Variants in PDZD8 observed in about 807,000 individuals in gnomAD.
The protein encoded by PDZD8 is PDZ domain containing 8.
PDZD8 carries 14 observed loss-of-function variants against 85.8 expected under a neutral mutation model. The ratio of observed to expected loss-of-function variants is 0.16; its 90% confidence interval spans 0.11 to 0.26. The LOEUF is 0.26. Ranked by LOEUF, PDZD8 falls within the 10% of genes least tolerant of loss-of-function variation. PDZD8 has a pLI of 1.00. For synonymous variants in PDZD8, 592 were observed against 568.6 expected (o/e 1.04, Z -0.59); for missense variants, 1,197 against 1,424.3 (o/e 0.84, Z 2.57).
At chr10:117,360,418 C>T (rs904845976) in intron 1 of PDZD8, among the ~76,000 whole-genome samples, 1 of 151,970 alleles carries the variant, frequency 6.6e-6, no homozygotes, top group Non-Finnish European at 1.5e-5. Flanking sequence ...ATGGGCAAAT[C>T]CAAACTCTTA....
At chr10:117,345,257 C>T (rs1844685025) in intron 1 of PDZD8, among the ~76,000 whole-genome samples, 1 of 152,182 alleles carries the variant, frequency 6.6e-6, no homozygotes, top group Non-Finnish European at 1.5e-5. Flanking sequence ...CACATGTCTT[C>T]CTTCATGGAT....
At chr10:117,331,913 T>C (rs530399134) in intron 2 of PDZD8, among the ~76,000 whole-genome samples, 6 of 152,278 alleles carry the variant, frequency 3.9e-5, no homozygotes, top group African/African-American at 7.2e-5. Context: ...AATTCCAAAT[T>C]TGCAGTCTTT....
Position 117,375,149 on chromosome 10 carries a change from A to G in PDZD8, c.79T>C (p.Tyr27His). The G allele has an allele frequency of 6.3e-7, 1 of 1,588,870 alleles. No individual in the cohort carries two copies. The highest frequency in any genetic ancestry group is 8.5e-7 in the Non-Finnish European group (1 of 1,173,952). The change falls in exon 1 of 5, where the codon TAC becomes CAC. Residue 27 changes from tyrosine (Y) to histidine (H), a missense_variant. This residue lies in a region of PDZD8 where 172 missense variants were observed against 137.8 expected (regional missense o/e 1.25). Transcript: ENST00000334464. ...LTLLAQFFLLYRRQPEPPADE... is the reference protein window; with the variant it reads ...LTLLAQFFLLHRRQPEPPADE... ...GCCGGCGGCTCGGGCTGTCTGCGGT[A>G]CAGCAGGAAGAACTGGGCGAGGAGC...
At chr10:117,348,472 G>A (rs1038021537) in intron 1 of PDZD8, among the ~76,000 whole-genome samples, 1 of 152,126 alleles carries the variant, frequency 6.6e-6, no homozygotes, top group Non-Finnish European at 1.5e-5. Flanking sequence ...GTTAATCCGC[G>A]ATGGCTTCCA....
rs528360386 is a variant in PDZD8, at chr10:117,313,972, C to T, written c.1098+4900G>A. Among the ~76,000 whole-genome samples the T allele has an allele frequency of 1.2e-4, 19 of 152,242 alleles. 1 individual carries two copies. Among genetic ancestry groups the T allele is most frequent in the Middle Eastern group, 3.4e-3 (1 of 294 alleles). ...CTCCTTAACTCTGTTCTAAAATGAT[C>T]CCATTATCATCACTACTAATTATTT... On this transcript the variant is annotated intron_variant, in intron 3 of 4. Coordinates refer to ENST00000334464, the MANE Select transcript of PDZD8 (RefSeq NM_173791.5).
chr10:117,284,554 T>C lies in PDZD8; in HGVS notation c.2179A>G (p.Ile727Val). The C allele has an allele frequency of 6.2e-7, 1 of 1,613,956 alleles. No individual in the cohort carries two copies. Among genetic ancestry groups the C allele is most frequent in the South Asian group, 1.1e-5 (1 of 91,084 alleles). ...TTTAAACTAACATGCCCCAAACAGATGAGACCTCCCAACTTGAAAGGATCC... is the reference window on the plus strand; with the variant it reads ...TTTAAACTAACATGCCCCAAACAGACGAGACCTCCCAACTTGAAAGGATCC... ...CRDPFKLGGLICLGHVSLKLE... is the reference protein window; with the variant it reads ...CRDPFKLGGLVCLGHVSLKLE... The change falls in exon 5 of 5, where the codon ATC (isoleucine) becomes GTC (valine). Residue 727 changes from isoleucine to valine, a missense_variant. By Grantham distance (29) the Ile-to-Val change is conservative. Around this residue, in one of 4 missense-constraint regions of PDZD8, gnomAD observed 418 missense variants for 571.1 expected, o/e 0.73. Coordinates refer to ENST00000334464, the MANE Select transcript of PDZD8 (RefSeq NM_173791.5).
intron 1 of PDZD8, among the ~76,000 whole-genome samples, chr10:117,373,985 G>A (rs930300173): frequency 1.1e-4 from 16 of 152,170 alleles, no homozygotes; most frequent in African/African-American, 3.6e-4. Flanking sequence ...AGCCAGTGAC[G>A]CGGCTGCCCT....
chr10:117,358,482 A>C (rs73391193), intron 1 of PDZD8, among the ~76,000 whole-genome samples: 4,066 of 151,916 alleles, frequency 0.027, 169 homozygotes, highest in African/African-American at 0.09. Context: ...TCTTTCACGG[A>C]CTATAAAATA....
At position 117,285,054 on chromosome 10, in the gene PDZD8, T is replaced by C. The variant is rs1436685250; in HGVS notation, c.1679A>G (p.Asp560Gly). The change falls in exon 5 of 5, where the codon GAT becomes GGT. Residue 560 changes from aspartate (D) to glycine (G), a missense_variant. Asp to Gly is a moderately conservative substitution (Grantham distance 94). Transcript: ENST00000334464. Reference sequence around the variant, plus strand: ...TTTTAGGGGTGGAGGTTTATTTCCATCTTTGGACTGAATTTTCGGTGGTAG... The same window carrying C: ...TTTTAGGGGTGGAGGTTTATTTCCACCTTTGGACTGAATTTTCGGTGGTAG... ...HPLPPKIQSKDGNKPPPLKTS... is the reference protein window; with the variant it reads ...HPLPPKIQSKGGNKPPPLKTS... The C allele has an allele frequency of 1.1e-5, 17 of 1,613,896 alleles. No homozygotes were observed. The highest frequency in any genetic ancestry group is 1.3e-5 in the African/African-American group (1 of 74,928).
intron 3 of PDZD8, among the ~76,000 whole-genome samples, chr10:117,291,062 C>G (rs1407013188): frequency 1.3e-5 from 2 of 150,668 alleles, no homozygotes; most frequent in African/African-American, 4.9e-5. Context: ...GTGTAGAGAT[C>G]GGGTTTCACC....
chr10:117,293,580 T>C (rs1190371586), intron 3 of PDZD8, among the ~76,000 whole-genome samples: 2 of 152,130 alleles, frequency 1.3e-5, no homozygotes, highest in Non-Finnish European at 2.9e-5. Context: ...CCTATCCTTA[T>C]AAGCATATCT....
At chr10:117,285,655 C>T (rs945548178) in intron 4 of PDZD8, 184 bp from the exon 5 acceptor site, 1 of 1,194,468 alleles carries the variant, frequency 8.4e-7, no homozygotes. Context: ...TGTGCTAATT[C>T]TCAAACCCTG....
chr10:117,356,402 A>G (rs1299658109), intron 1 of PDZD8, among the ~76,000 whole-genome samples: 4 of 152,220 alleles, frequency 2.6e-5, no homozygotes, highest in Non-Finnish European at 5.9e-5. Flanking sequence ...ATAATAATTT[A>G]TTCCACAGAA....
At chr10:117,303,628 A>C (rs1843885241) in intron 3 of PDZD8, among the ~76,000 whole-genome samples, 1 of 152,224 alleles carries the variant, frequency 6.6e-6, no homozygotes, top group Non-Finnish European at 1.5e-5. Context: ...CCCTCCCATC[A>C]CAGGCCCAGA....
chr10:117,355,518 G>A (rs533964719), intron 1 of PDZD8, among the ~76,000 whole-genome samples: 1 of 152,210 alleles, frequency 6.6e-6, no homozygotes, highest in Non-Finnish European at 1.5e-5. Flanking sequence ...ACAGACTCTG[G>A]AGCCACACAG....
rs61867777 is a variant in PDZD8, at chr10:117,287,558, C to T, written c.1262-2087G>A. ...CTCTGTCCTCACTACTATCAATCAA[C>T]TTGCCACTCCCAGTTAACTCAATTT... is the stretch of plus-strand genomic sequence containing the variant. On this transcript the variant is annotated intron_variant, in intron 4 of 4. Transcript: ENST00000334464. 2.5e-3 allele frequency among the ~76,000 whole-genome samples: 376 copies of T among 152,300 alleles called. 4 individuals are homozygous for T. The highest frequency in any genetic ancestry group is 4.6e-3 in the Non-Finnish European group (311 of 68,018).
chr10:117,320,977 T>C (rs922526656), intron 2 of PDZD8, among the ~76,000 whole-genome samples: 12 of 152,058 alleles, frequency 7.9e-5, no homozygotes, highest in African/African-American at 2.9e-4. Context: ...AGATTGGCTA[T>C]AATAAAAGAG....
intron 3 of PDZD8, among the ~76,000 whole-genome samples, chr10:117,307,223 T>C (rs569846708): frequency 2.0e-5 from 3 of 147,642 alleles, no homozygotes; most frequent in African/African-American, 4.9e-5. Flanking sequence ...TTGACTTTTG[T>C]AGTCTTCTTT....
chr10:117,328,180 C>G (rs934310632), intron 2 of PDZD8, among the ~76,000 whole-genome samples: 4 of 152,162 alleles, frequency 2.6e-5, no homozygotes, highest in Non-Finnish European at 5.9e-5. Context: ...AAGTTATACT[C>G]AAGACTAACT....
Sources: allele counts gnomAD v4.1 joint callset (sites outside exome capture counted in the v4.1 genomes callset), GRCh38; gene constraint gnomAD v4.1.1; regional missense constraint gnomAD v4.1.1; transcripts MANE v1.5; gene names NCBI Gene and HGNC (gene_info 2026-07-23, HGNC 2026-07-21).